Variants in ATXN7L1 observed in about 807,000 individuals in gnomAD.
The protein encoded by ATXN7L1 is ataxin 7 like 1.
A neutral mutation model predicts 70.8 loss-of-function variants in ATXN7L1; 15 were observed. The ratio of observed to expected loss-of-function variants is 0.21; its 90% confidence interval spans 0.14 to 0.33. The LOEUF is 0.33. ATXN7L1 is among the 10% of genes least tolerant of loss of function. The probability of loss-of-function intolerance (pLI) is 1.00; values close to 1 mark genes in which losing one functional copy is unlikely to be tolerated. For synonymous variants in ATXN7L1, 440 were observed against 445.1 expected, an observed-to-expected ratio of 0.99 and a Z score of 0.14; for missense variants, 975 against 1,097.1, an observed-to-expected ratio of 0.89 and a Z score of 1.57.
intron 3 of ATXN7L1, among the ~76,000 whole-genome samples, chr7:105,727,489 T>G (rs1584849306): frequency 6.6e-6 from 1 of 151,354 alleles, no homozygotes; most frequent in East Asian, 2.0e-4. Context: ...GCCAACATGG[T>G]GAAACCCCAC....
At chr7:105,851,069 T>C (rs1814808926) in intron 2 of ATXN7L1, among the ~76,000 whole-genome samples, 1 of 152,192 alleles carries the variant, frequency 6.6e-6, no homozygotes. Flanking sequence ...TATCCCACAA[T>C]GATTTACAAC....
intron 2 of ATXN7L1, among the ~76,000 whole-genome samples, chr7:105,866,247 C>G (rs1817458224): frequency 6.6e-6 from 1 of 152,172 alleles, no homozygotes; most frequent in Non-Finnish European, 1.5e-5. Context: ...GTAAGTGCTT[C>G]TGTGTTCAAA....
At chr7:105,772,063 A>ATTTTTTTTTTTTTTT (rs533366742) in intron 3 of ATXN7L1, among the ~76,000 whole-genome samples, 1 of 99,788 alleles carries the variant, frequency 1.0e-5, no homozygotes, top group African/African-American at 4.7e-5. Context: ...TCAGATTGGA[A>ATTTTTTTTTTTTTTT]TTTTTTTTTT....
intron 2 of ATXN7L1, among the ~76,000 whole-genome samples, chr7:105,848,639 A>G (rs958196615): frequency 6.6e-6 from 1 of 152,218 alleles, no homozygotes; most frequent in Non-Finnish European, 1.5e-5. Context: ...AAAGGTCAGC[A>G]CTGGTTAATT....
At chr7:105,823,418 G>T in intron 2 of ATXN7L1, among the ~76,000 whole-genome samples, 1 of 152,142 alleles carries the variant, frequency 6.6e-6, no homozygotes, top group East Asian at 1.9e-4. Context: ...TTCTTGAATC[G>T]TAACAGGCCC....
intron 2 of ATXN7L1, among the ~76,000 whole-genome samples, chr7:105,808,125 C>A (rs1298793548): frequency 6.6e-6 from 1 of 152,178 alleles, no homozygotes; most frequent in Non-Finnish European, 1.5e-5. Flanking sequence ...AAGGAAGAGG[C>A]CTTTATATAC....
intron 3 of ATXN7L1, among the ~76,000 whole-genome samples, chr7:105,698,438 C>T (rs1267107551): frequency 6.6e-6 from 1 of 152,196 alleles, no homozygotes; most frequent in Non-Finnish European, 1.5e-5. Flanking sequence ...GACCATTGCT[C>T]ACTGCAGCCT....
chr7:105,664,763 C>T (rs1584606005), intron 4 of ATXN7L1, among the ~76,000 whole-genome samples: 1 of 151,534 alleles, frequency 6.6e-6, no homozygotes, highest in Admixed American at 6.6e-5. Context: ...GACAGGGTTT[C>T]ACTGTGTTGC....
At chr7:105,770,061 T>C (rs531442732) in intron 3 of ATXN7L1, among the ~76,000 whole-genome samples, 14 of 152,352 alleles carry the variant, frequency 9.2e-5, no homozygotes, top group Admixed American at 5.2e-4. Flanking sequence ...CACTGCAGAA[T>C]TGCTGCCTGG....
intron 3 of ATXN7L1, chr7:105,788,332 C>T (rs1585006644): frequency 1.1e-5 from 4 of 377,832 alleles, no homozygotes; most frequent in Non-Finnish European, 2.0e-5. Context: ...CAGAGGCCAT[C>T]GCTAGGCTGG....
At position 105,876,513 on chromosome 7, in the gene ATXN7L1, C is replaced by T; in HGVS notation, c.46G>A (p.Ala16Thr). ...TGTTGCTTTTTCCCTGTTCCTTCGG[C>T]AGCAGCAGCCGAGAGACACGGGATT... The part of the protein sequence containing the change: ...SRIPCLSAAA[A>T]EGTGKKQQEG... Residue 16 changes from alanine to threonine, a missense_variant, in exon 1 of 12, where the codon GCC becomes ACC. Physicochemically the swap from Ala to Thr is moderately conservative, Grantham distance 58 (BLOSUM62 0). Transcript: ENST00000419735. 3.1e-6 allele frequency: 5 copies of T among 1,612,788 alleles called. No individual in the cohort carries two copies. The highest frequency in any genetic ancestry group is 4.2e-6 in the Non-Finnish European group (5 of 1,179,656).
chr7:105,766,969 G>A (rs1168345572), intron 3 of ATXN7L1, among the ~76,000 whole-genome samples: 1 of 152,214 alleles, frequency 6.6e-6, no homozygotes, highest in Non-Finnish European at 1.5e-5. Context: ...CCGAAATTCA[G>A]TCTTTCTGAA....
chr7:105,722,856 G>A (rs1795360110), intron 3 of ATXN7L1, among the ~76,000 whole-genome samples: 1 of 152,094 alleles, frequency 6.6e-6, no homozygotes, highest in Admixed American at 6.5e-5. Flanking sequence ...CTGCATTCCA[G>A]CCTGGGCGAC....
chr7:105,760,380 G>C (rs1171853681), intron 3 of ATXN7L1: 1 of 951,242 alleles, frequency 1.1e-6, no homozygotes, highest in African/African-American at 1.8e-5. Flanking sequence ...GGCTCTGAGA[G>C]GATCTGCAAT....
At chr7:105,620,965 A>G (rs1219987151) in intron 8 of ATXN7L1, among the ~76,000 whole-genome samples, 1 of 151,734 alleles carries the variant, frequency 6.6e-6, no homozygotes, top group Non-Finnish European at 1.5e-5. Context: ...TTGTCCTATT[A>G]TCAGCCACAT....
chr7:105,649,483 G>T (rs775590267), intron 4 of ATXN7L1: 7 of 987,732 alleles, frequency 7.1e-6, no homozygotes, highest in Non-Finnish European at 7.2e-6. Context: ...TATCTTTCTA[G>T]ATCAAGGCGG....
intron 3 of ATXN7L1, among the ~76,000 whole-genome samples, chr7:105,759,471 TGTGTGTGTGTGTG>T (rs1331327553): frequency 3.6e-5 from 4 of 111,748 alleles, no homozygotes; most frequent in African/African-American, 1.4e-4. Context: ...TGTGTGTGTG[TGTGTGTGTGTGTG>T]TGTGTGTATG....
At chr7:105,661,409 T>C (rs929246888) in intron 4 of ATXN7L1, among the ~76,000 whole-genome samples, 1 of 152,216 alleles carries the variant, frequency 6.6e-6, no homozygotes, top group Non-Finnish European at 1.5e-5. Context: ...GGGTCCGTTA[T>C]GTTGGGCTGA....
In ATXN7L1 at chr7:105,776,316, G is replaced by A. The variant is rs144816107; in HGVS notation, c.355+12288C>T. ...CACAGAGGGATGCCTTTCCAACTGC[G>A]TCTCAACAGAGTTGGTCATTCTCTT... On this transcript the variant is annotated intron_variant, in intron 3 of 11. Coordinates refer to ENST00000419735, the MANE Select transcript of ATXN7L1 (RefSeq NM_020725.2). Among the ~76,000 whole-genome samples, 9 of 152,234 alleles carry A rather than the reference G, an allele frequency of 5.9e-5. No homozygotes were observed. In the South Asian group the frequency reaches 8.3e-4, roughly 14 times the overall value.
Sources: gnomAD v4.1 joint callset for allele counts (sites outside exome capture counted in the v4.1 genomes callset) on GRCh38, gnomAD v4.1.1 for gene constraint, MANE v1.5 for transcripts, NCBI Gene and HGNC (gene_info 2026-07-23, HGNC 2026-07-21) for gene names.